GPR155: variants seen among roughly 807,000 people sequenced by gnomAD.
The protein encoded by GPR155 is G protein-coupled receptor 155.
A neutral mutation model predicts 93.1 loss-of-function variants in GPR155; 65 were observed. The ratio of observed to expected loss-of-function variants is 0.70; its 90% CI spans 0.57 to 0.86. GPR155 has a LOEUF of 0.86. GPR155 is among the 40% of genes least tolerant of loss of function. The probability of loss-of-function intolerance (pLI) is 0.00; values close to 1 mark genes in which losing one functional copy is unlikely to be tolerated. For missense variants in GPR155, 838 were observed against 1,034.8 expected (o/e 0.81, Z 2.61); for synonymous variants, 319 against 360.1 (o/e 0.89, Z 1.29).
rs565621981 is a variant in GPR155, at chr2:174,433,888, A to G, written c.*2228T>C. Reference sequence around the variant, plus strand: ...TAGACTAAGAGAAAAGGCAACATTTAGTAATTTTAAAAATTATATATTTTT... The same window carrying G: ...TAGACTAAGAGAAAAGGCAACATTTGGTAATTTTAAAAATTATATATTTTT... On this transcript the variant is annotated 3_prime_UTR_variant, in exon 16 of 16. Coordinates refer to ENST00000392552, the MANE Select transcript of GPR155 (RefSeq NM_152529.7). 5.3e-5 allele frequency: 8 copies of G among 152,326 alleles called. No individual in the cohort carries two copies. The highest frequency in any genetic ancestry group is 1.9e-4 in the African/African-American group (8 of 41,574). 9.4% of individuals were successfully genotyped at this position (152,326 alleles called of 1,614,324 possible). A position where few individuals can be genotyped will look rare whatever the true frequency, so the allele number is the denominator to read the frequency against.
chr2:174,438,452 A>G (rs1559094903), intron 15 of GPR155, among the ~76,000 whole-genome samples: 2 of 152,202 alleles, frequency 1.3e-5, no homozygotes, highest in African/African-American at 4.8e-5. Flanking sequence ...CTGGGCCTCA[A>G]AGAGCTAACC....
At chr2:174,456,071 A>C (rs1041967776) in intron 10 of GPR155, among the ~76,000 whole-genome samples, 9 of 152,000 alleles carry the variant, frequency 5.9e-5, no homozygotes, top group African/African-American at 2.2e-4. Context: ...CAAACACCTG[A>C]CCTCAAGTGA....
chr2:174,473,100 T>C lies in GPR155; in HGVS notation c.725A>G (p.Glu242Gly). The change falls in exon 3 of 16, where the codon GAA becomes GGA. Residue 242 changes from glutamate to glycine, a missense_variant. Around this residue, in one of 3 missense-constraint regions of GPR155, gnomAD observed 663 missense variants for 790.1 expected, o/e 0.84. Coordinates refer to ENST00000392552, the MANE Select transcript of GPR155 (RefSeq NM_152529.7). ...ATTTCCAAGTCCATCAAGAAAATTT[T>C]CGACATATACAGGTACCTTTCGATC... Reference protein sequence around the residue: ...ILDRKVPVYVENFLDGLGNSF... With the variant: ...ILDRKVPVYVGNFLDGLGNSF... 1 of 1,603,266 alleles carries C rather than the reference T, an allele frequency of 6.2e-7. No individual in the cohort carries two copies. The highest frequency in any genetic ancestry group is 8.5e-7 in the Non-Finnish European group (1 of 1,177,684).
intron 15 of GPR155, among the ~76,000 whole-genome samples, chr2:174,439,347 T>G (rs1686886263): frequency 6.6e-6 from 1 of 152,152 alleles, no homozygotes; most frequent in Non-Finnish European, 1.5e-5. Flanking sequence ...TAAAAAAATT[T>G]TTTTCCTCAT....
At chr2:174,445,027 A>T in intron 13 of GPR155, 54 bp downstream of exon 13, 2 of 855,530 alleles carry the variant, frequency 2.3e-6, no homozygotes, top group South Asian at 2.7e-5. Context: ...ACCCCCTACC[A>T]ATCAACCTAT....
Position 174,459,925 on chromosome 2 carries a change from G to T in GPR155, c.1724C>A (p.Ala575Glu), listed in dbSNP as rs1468276301. ...PGNTAFEESPAPVNEPELFTS... is the reference protein window; with the variant it reads ...PGNTAFEESPEPVNEPELFTS... ...AAAAAGTTCTGGTTCATTTACTGGT[G>T]CTGGACTCTCCTCAAAAGCAGTATT... The change falls in exon 10 of 16, where the codon GCA (alanine) becomes GAA (glutamate). Residue 575 changes from alanine (A) to glutamate (E), a missense_variant. By Grantham distance (107) the Ala-to-Glu change is moderately radical. This residue lies in a region of GPR155 where 663 missense variants were observed against 790.1 expected (regional missense o/e 0.84). Coordinates refer to ENST00000392552, the MANE Select transcript of GPR155 (RefSeq NM_152529.7). 3 of 1,613,952 alleles carry T rather than the reference G, an allele frequency of 1.9e-6. No individual in the cohort carries two copies. The highest frequency in any genetic ancestry group is 1.3e-5 in the African/African-American group (1 of 75,008).
chr2:174,441,750 T>C (rs865943416), intron 14 of GPR155, among the ~76,000 whole-genome samples: 70 of 140,512 alleles, frequency 5.0e-4, no homozygotes, highest in South Asian at 3.3e-3. Context: ...TGTGTGTGTG[T>C]GCGTGTGTGT....
At chr2:174,448,399 T>A (rs953030439) in intron 11 of GPR155, among the ~76,000 whole-genome samples, 11 of 151,704 alleles carry the variant, frequency 7.3e-5, no homozygotes, top group African/African-American at 1.7e-4. Context: ...CCTCAAACTA[T>A]AAGAATCCTA....
chr2:174,470,355 C>G, intron 4 of GPR155, 35 bp downstream of exon 4: 1 of 1,516,300 alleles, frequency 6.6e-7, no homozygotes, highest in Non-Finnish European at 8.9e-7. Context: ...TTCGACTAAA[C>G]ACACCATCAA....
chr2:174,455,867 G>A (rs1296325270), intron 10 of GPR155, among the ~76,000 whole-genome samples: 1 of 152,048 alleles, frequency 6.6e-6, no homozygotes, highest in Non-Finnish European at 1.5e-5. Flanking sequence ...TTTAGATGAA[G>A]TTTCGCTCTG....
intron 1 of GPR155, among the ~76,000 whole-genome samples, chr2:174,482,361 T>TA (rs1688351079): frequency 6.6e-6 from 1 of 152,174 alleles, no homozygotes; most frequent in Non-Finnish European, 1.5e-5. Context: ...GCCTGGTGGA[T>TA]AAGGGCATCG....
chr2:174,481,240 T>C (rs1022172500), intron 2 of GPR155, among the ~76,000 whole-genome samples: 1 of 152,188 alleles, frequency 6.6e-6, no homozygotes, highest in African/African-American at 2.4e-5. Flanking sequence ...GCTTCTTTCA[T>C]ATGTGCTTAC....
At chr2:174,437,247 A>C (rs1402504934) in intron 15 of GPR155, among the ~76,000 whole-genome samples, 2 of 152,214 alleles carry the variant, frequency 1.3e-5, no homozygotes, top group Non-Finnish European at 2.9e-5. Flanking sequence ...AGCATCATTC[A>C]GGCTACAAAA....
rs1022856865 is a variant in GPR155 at position 174,466,531 on chromosome 2, T to C, written c.1266+13A>G. On this transcript the variant is annotated intron_variant, in intron 6 of 15. Coordinates refer to ENST00000392552, the MANE Select transcript of GPR155 (RefSeq NM_152529.7). Reference sequence around the variant, plus strand: ...AGAAAAACATAGTTCTAAATATCAGTAGTTTTACTAACCTGAGCAATGAGT... The same window carrying C: ...AGAAAAACATAGTTCTAAATATCAGCAGTTTTACTAACCTGAGCAATGAGT... The C allele has an allele frequency of 1.5e-6, 2 of 1,292,146 alleles. No homozygotes were observed. The highest frequency in any genetic ancestry group is 2.2e-6 in the Non-Finnish European group (2 of 897,756). The allele number at this position is 1,292,146 out of a possible 1,614,324, so 80.0% of individuals were successfully genotyped here. A position where few individuals can be genotyped will look rare whatever the true frequency, so the allele number is the denominator to read the frequency against.
At chr2:174,437,577 C>CTT (rs397871619) in intron 15 of GPR155, among the ~76,000 whole-genome samples, 104 of 107,904 alleles carry the variant, frequency 9.6e-4, no homozygotes, top group Non-Finnish European at 1.5e-3. Flanking sequence ...GGCCTAACAC[C>CTT]TTTTTTTTTT....
chr2:174,485,599 GAAAAAAA>G (rs568658592), intron 1 of GPR155, among the ~76,000 whole-genome samples: 1 of 61,312 alleles, frequency 1.6e-5, no homozygotes, highest in Admixed American at 1.8e-4. Context: ...TCCGTCTCAA[GAAAAAAA>G]AAAAAAAAAA....
At chr2:174,467,274 C>T (rs543407736) in intron 5 of GPR155, among the ~76,000 whole-genome samples, 28 of 152,136 alleles carry the variant, frequency 1.8e-4, no homozygotes, top group African/African-American at 5.3e-4. Flanking sequence ...CCCAGACAGG[C>T]GGATCACTTG....
intron 3 of GPR155, among the ~76,000 whole-genome samples, chr2:174,471,082 A>T (rs1348370572): frequency 6.6e-6 from 1 of 151,790 alleles, no homozygotes; most frequent in Non-Finnish European, 1.5e-5. Flanking sequence ...TAATAACAAC[A>T]TTGCTTAATA....
Position 174,436,383 on chromosome 2 carries a change from A to G in GPR155, c.2346T>C (p.Cys782=), listed in dbSNP as rs200003678. 6.2e-7 allele frequency: 1 copy of G among 1,614,206 alleles called. No homozygotes were observed. The highest frequency in any genetic ancestry group is 8.5e-7 in the Non-Finnish European group (1 of 1,180,036). ...CGAKTSAGTF[C]GCDLVSWLIE... The stretch of plus-strand genomic sequence containing the variant: ...TTAGCCAGCTCACCAGGTCACAGCC[A>G]CAGAAAGTTCCAGCAGAAGTCTTTG... The change falls in exon 16 of 16, where the codon TGT becomes TGC. Residue 782 remains cysteine, a synonymous_variant. Transcript: ENST00000392552.
Sources: gnomAD v4.1 joint callset for allele counts (sites outside exome capture counted in the v4.1 genomes callset) on GRCh38, gnomAD v4.1.1 for gene constraint, gnomAD v4.1.1 regional missense constraint, MANE v1.5 for transcripts, NCBI Gene and HGNC (gene_info 2026-07-23, HGNC 2026-07-21) for gene names.